Variants in CTNNA2 observed in about 807,000 individuals in gnomAD.
CTNNA2 encodes the protein catenin alpha 2, also known as catenin alpha-2.
CTNNA2 carries 42 observed loss-of-function variants against 101.0 expected under a neutral mutation model. The ratio of observed to expected loss-of-function variants is 0.42; its 90% CI spans 0.32 to 0.54. CTNNA2 has a LOEUF of 0.54. Among genes scored for constraint, CTNNA2 ranks in the 20% least tolerant of loss-of-function variants. The probability of loss-of-function intolerance (pLI) is 0.14; values close to 1 mark genes in which losing one functional copy is unlikely to be tolerated. For missense variants in CTNNA2, 871 were observed against 1,223.1 expected, an observed-to-expected ratio of 0.71 and a Z score of 4.29; for synonymous variants, 450 against 456.4, an observed-to-expected ratio of 0.99 and a Z score of 0.18.
At chr2:79,288,002 C>T (rs1047527867) in intron 2 of CTNNA2, among the ~76,000 whole-genome samples, 3 of 152,162 alleles carry the variant, frequency 2.0e-5, no homozygotes, top group Non-Finnish European at 4.4e-5. Flanking sequence ...TGGGAGTGAC[C>T]CGATTTTCCA....
At chr2:79,782,530 C>A (rs1674531004) in intron 3 of CTNNA2, among the ~76,000 whole-genome samples, 1 of 152,146 alleles carries the variant, frequency 6.6e-6, no homozygotes. Context: ...AGCCACCGCA[C>A]CTGGCCTGCT....
At chr2:80,579,737 T>C (rs1157693178) in intron 13 of CTNNA2, among the ~76,000 whole-genome samples, 2 of 152,204 alleles carry the variant, frequency 1.3e-5, no homozygotes, top group African/African-American at 4.8e-5. Context: ...CTTGGAAAAT[T>C]ACTAGGCATA....
chr2:80,010,083 G>A (rs1267697016), intron 7 of CTNNA2, among the ~76,000 whole-genome samples: 1 of 152,130 alleles, frequency 6.6e-6, no homozygotes, highest in Non-Finnish European at 1.5e-5. Flanking sequence ...TTTGCACAAT[G>A]TTTGACAAAC....
intron 7 of CTNNA2, among the ~76,000 whole-genome samples, chr2:80,360,427 C>A (rs11126760): frequency 0.091 from 13,897 of 151,928 alleles, 1,064 homozygotes; most frequent in African/African-American, 0.21. Flanking sequence ...TTTTACACAT[C>A]CGAGCAGTAT....
intron 7 of CTNNA2, among the ~76,000 whole-genome samples, chr2:80,211,193 T>G (rs984200738): frequency 6.6e-6 from 1 of 152,232 alleles, no homozygotes; most frequent in Admixed American, 6.5e-5. Context: ...GATAGTTTCT[T>G]TTGCTGTGCA....
chr2:80,554,823 T>C (rs919185253), intron 11 of CTNNA2, among the ~76,000 whole-genome samples: 4 of 152,222 alleles, frequency 2.6e-5, no homozygotes, highest in African/African-American at 9.6e-5. Flanking sequence ...GAACATTTCC[T>C]TAGAATTCTG....
intron 7 of CTNNA2, among the ~76,000 whole-genome samples, chr2:80,272,850 T>G (rs2149142566): frequency 6.6e-6 from 1 of 152,348 alleles, no homozygotes; most frequent in African/African-American, 2.4e-5. Context: ...ACAACTATTT[T>G]GCCAAGATAT....
intron 2 of CTNNA2, among the ~76,000 whole-genome samples, chr2:79,252,214 G>T (rs945738502): frequency 4.6e-5 from 7 of 151,984 alleles, no homozygotes; most frequent in African/African-American, 1.7e-4. Context: ...GATAAAGAGT[G>T]TGTTTACAAA....
intron 11 of CTNNA2, among the ~76,000 whole-genome samples, chr2:80,555,304 C>T (rs1288590983): frequency 1.3e-5 from 2 of 152,156 alleles, no homozygotes; most frequent in African/African-American, 2.4e-5. Flanking sequence ...AAGGCCCTGT[C>T]GTGTGTAAGT....
intron 7 of CTNNA2, among the ~76,000 whole-genome samples, chr2:80,385,450 A>C (rs2149355276): frequency 6.6e-6 from 1 of 152,344 alleles, no homozygotes; most frequent in East Asian, 1.9e-4. Context: ...CCAATGCTTT[A>C]ATCTAGGACT....
At chr2:80,123,602 G>T (rs180832565) in intron 7 of CTNNA2, among the ~76,000 whole-genome samples, 1 of 152,132 alleles carries the variant, frequency 6.6e-6, no homozygotes, top group South Asian at 2.1e-4. Flanking sequence ...GTGAACAATC[G>T]TTTCTCAAAT....
intron 2 of CTNNA2, among the ~76,000 whole-genome samples, chr2:79,247,685 T>C (rs944175888): frequency 5.9e-5 from 9 of 152,220 alleles, no homozygotes; most frequent in Non-Finnish European, 1.3e-4. Flanking sequence ...GCAGATGTGA[T>C]TAAGCTAAGA....
intron 3 of CTNNA2, among the ~76,000 whole-genome samples, chr2:79,770,355 C>G (rs1223492121): frequency 6.6e-6 from 1 of 152,118 alleles, no homozygotes; most frequent in Non-Finnish European, 1.5e-5. Flanking sequence ...TTAACTGAAA[C>G]AGAGACCAAT....
chr2:79,240,589 G>T (rs1304793325), intron 2 of CTNNA2, among the ~76,000 whole-genome samples: 7 of 152,010 alleles, frequency 4.6e-5, no homozygotes, highest in Admixed American at 6.6e-5. Flanking sequence ...ATTGATTGTT[G>T]GATCAAAGGA....
chr2:79,611,828 C>A (rs1678295245), intron 1 of CTNNA2, among the ~76,000 whole-genome samples: 1 of 152,054 alleles, frequency 6.6e-6, no homozygotes, highest in South Asian at 2.1e-4. Flanking sequence ...ACAAAGTCAG[C>A]GATATAAATA....
chr2:80,640,257 T>G (rs1673324082), intron 18 of CTNNA2, among the ~76,000 whole-genome samples: 1 of 152,182 alleles, frequency 6.6e-6, no homozygotes, highest in East Asian at 1.9e-4. Context: ...CCTGTTAAAA[T>G]GTCTGCTCTT....
chr2:79,626,066 C>T (rs767506376), intron 1 of CTNNA2, among the ~76,000 whole-genome samples: 8 of 152,116 alleles, frequency 5.3e-5, no homozygotes, highest in Non-Finnish European at 7.4e-5. Flanking sequence ...TCTACTTCAT[C>T]TATTTTGATT....
At chr2:79,865,094 T>C (rs1016583616) in intron 4 of CTNNA2, among the ~76,000 whole-genome samples, 4 of 152,184 alleles carry the variant, frequency 2.6e-5, no homozygotes, top group Non-Finnish European at 5.9e-5. Context: ...TATACACACA[T>C]TTGTATAACA....
chr2:79,371,283 G>T (rs1677865683), intron 3 of CTNNA2, among the ~76,000 whole-genome samples: 1 of 152,106 alleles, frequency 6.6e-6, no homozygotes, highest in South Asian at 2.1e-4. Flanking sequence ...ATATCATGAG[G>T]CTTCTCCAGA....
Sources: allele counts gnomAD v4.1 joint callset (sites outside exome capture counted in the v4.1 genomes callset), GRCh38; gene constraint gnomAD v4.1.1; transcripts MANE v1.5; gene names NCBI Gene and HGNC (gene_info 2026-07-23, HGNC 2026-07-21).